Variants in EFCAB11 observed in about 807,000 individuals in gnomAD.
EFCAB11 encodes EF-hand calcium binding domain 11, also known as EF-hand calcium-binding domain-containing protein 11.
A neutral mutation model predicts 23.0 loss-of-function variants in EFCAB11; 14 were observed. The observed-to-expected ratio is 0.61, with a 90% CI of 0.40 to 0.95. The LOEUF (loss-of-function observed/expected upper bound fraction) is 0.95, where lower values mean the gene tolerates loss of function less well. EFCAB11 is among the 40% of genes least tolerant of loss of function. The pLI is 0.00. For synonymous variants in EFCAB11, 65 were observed against 66.6 expected, an observed-to-expected ratio of 0.98 and a Z score of 0.11; for missense variants, 198 against 195.8, an observed-to-expected ratio of 1.01 and a Z score of -0.07.
intron 5 of EFCAB11, among the ~76,000 whole-genome samples, chr14:89,865,704 G>A (rs766486535): frequency 2.6e-5 from 4 of 151,792 alleles, no homozygotes; most frequent in African/African-American, 9.7e-5. Context: ...TCACTCTGTC[G>A]CCCAGCCTGG....
At chr14:89,857,006 T>A (rs1887774286) in intron 5 of EFCAB11, among the ~76,000 whole-genome samples, 1 of 152,232 alleles carries the variant, frequency 6.6e-6, no homozygotes, top group South Asian at 2.1e-4. Context: ...GGATACTACT[T>A]GGGGCTCCCA....
chr14:89,954,317 G>A, intron 1 of EFCAB11: 1 of 1,530,470 alleles, frequency 6.5e-7, no homozygotes, highest in Non-Finnish European at 8.8e-7. Context: ...CAAAGGGGCT[G>A]GCTTTGAAAG....
Position 89,916,049 on chromosome 14 carries a change from G to T in EFCAB11, c.410+15492C>A, listed in dbSNP as rs532509679. On this transcript the variant is annotated intron_variant, in intron 5 of 5. Transcript: ENST00000316738. Reference sequence around the variant, plus strand: ...CAAGAGAGCAGAGCCAAGCCCTTAAGGCACAACTCCGATCTCTGCACAGTG... The same window carrying T: ...CAAGAGAGCAGAGCCAAGCCCTTAATGCACAACTCCGATCTCTGCACAGTG... Among the ~76,000 whole-genome samples the T allele has an allele frequency of 2.0e-3, 304 of 151,782 alleles. 1 individual carries two copies. The highest frequency in any genetic ancestry group is 7.0e-3 in the African/African-American group (288 of 41,372).
At position 89,913,439 on chromosome 14, in the gene EFCAB11, G is replaced by A. The variant is rs150648758; in HGVS notation, c.410+18102C>T. On this transcript the variant is annotated intron_variant, in intron 5 of 5. Transcript: ENST00000316738. Reference sequence around the variant, plus strand: ...ATGTAACCTTGGGTGAGTCACATACGTTTGTTTGACTTCCATTTTCTTAGC... The same window carrying A: ...ATGTAACCTTGGGTGAGTCACATACATTTGTTTGACTTCCATTTTCTTAGC... Among the ~76,000 whole-genome samples, 22 of 152,240 alleles carry A rather than the reference G, an allele frequency of 1.4e-4. No homozygotes were observed. In the East Asian group the frequency reaches 3.7e-3, roughly 25 times the overall value.
At chr14:89,839,381 G>A (rs1444566181) in intron 5 of EFCAB11, among the ~76,000 whole-genome samples, 1 of 152,114 alleles carries the variant, frequency 6.6e-6, no homozygotes, top group Non-Finnish European at 1.5e-5. Context: ...CCAGAGAGAG[G>A]GGCTTCTTTT....
chr14:89,798,376 TA>T (rs1230816545), intron 5 of EFCAB11, among the ~76,000 whole-genome samples: 1 of 152,244 alleles, frequency 6.6e-6, no homozygotes, highest in African/African-American at 2.4e-5. Context: ...CTTCTTTTGG[TA>T]AAATATACAT....
intron 5 of EFCAB11, among the ~76,000 whole-genome samples, chr14:89,894,694 G>C (rs553658412): frequency 1.3e-5 from 2 of 152,192 alleles, no homozygotes; most frequent in African/African-American, 2.4e-5. Context: ...ATGATATAAG[G>C]ATTGGAACGG....
chr14:89,923,603 T>A, intron 5 of EFCAB11: 1 of 864,040 alleles, frequency 1.2e-6, no homozygotes, highest in Non-Finnish European at 1.4e-6. Context: ...TATGTATGGC[T>A]ACAAAGAATG....
chr14:89,948,946 C>T (rs1306659599), intron 3 of EFCAB11, among the ~76,000 whole-genome samples: 2 of 149,212 alleles, frequency 1.3e-5, no homozygotes, highest in African/African-American at 4.9e-5. Context: ...TAGTCAATAA[C>T]AACTTAATTG....
chr14:89,805,967 T>G (rs1302543203), intron 5 of EFCAB11, among the ~76,000 whole-genome samples: 1 of 152,220 alleles, frequency 6.6e-6, no homozygotes, highest in Non-Finnish European at 1.5e-5. Context: ...AGATTCTGGA[T>G]TATTCTCCTC....
At chr14:89,830,812 T>C (rs1886858604) in intron 5 of EFCAB11, 1 of 152,214 alleles carries the variant, frequency 6.6e-6, no homozygotes, top group South Asian at 2.1e-4. Context: ...TGCTATACAC[T>C]CATAATTGCA....
intron 5 of EFCAB11, among the ~76,000 whole-genome samples, chr14:89,921,954 A>G (rs1890033152): frequency 6.6e-6 from 1 of 152,224 alleles, no homozygotes; most frequent in Non-Finnish European, 1.5e-5. Context: ...ATCTACTACA[A>G]AAGAAAAACA....
chr14:89,830,595 C>T (rs574813684), intron 5 of EFCAB11: 1 of 152,258 alleles, frequency 6.6e-6, no homozygotes, highest in South Asian at 2.1e-4. Context: ...TAATATAAAA[C>T]GAGCCTTTCC....
At chr14:89,932,451 T>C in intron 4 of EFCAB11, 75 bp downstream of exon 4, 1 of 1,073,394 alleles carries the variant, frequency 9.3e-7, no homozygotes. Context: ...ATATTTGATT[T>C]ACTGGGTATA....
At chr14:89,830,277 C>A (rs1002477247) in intron 5 of EFCAB11, 1 of 152,116 alleles carries the variant, frequency 6.6e-6, no homozygotes, top group Non-Finnish European at 1.5e-5. Flanking sequence ...TATGGGAATT[C>A]CATTTTCCCT....
chr14:89,858,572 C>A (rs1269137016), intron 5 of EFCAB11, among the ~76,000 whole-genome samples: 6 of 151,852 alleles, frequency 4.0e-5, no homozygotes, highest in African/African-American at 1.5e-4. Context: ...TCACTGCAGT[C>A]TCAACCTCCT....
At chr14:89,893,049 C>G (rs1462480236) in intron 5 of EFCAB11, among the ~76,000 whole-genome samples, 7 of 152,158 alleles carry the variant, frequency 4.6e-5, no homozygotes, top group African/African-American at 1.7e-4. Flanking sequence ...AGATAGTGGA[C>G]AGGATGTGCT....
At chr14:89,925,067 G>A (rs189167748) in intron 5 of EFCAB11, among the ~76,000 whole-genome samples, 245 of 152,294 alleles carry the variant, frequency 1.6e-3, no homozygotes, top group African/African-American at 5.5e-3. Flanking sequence ...CAACATTTAA[G>A]GAAAGAAGAC....
At chr14:89,946,158 T>C (rs1890976224) in intron 3 of EFCAB11, among the ~76,000 whole-genome samples, 2 of 152,030 alleles carry the variant, frequency 1.3e-5, no homozygotes, top group Non-Finnish European at 2.9e-5. Context: ...AAGTGATTCG[T>C]CTGCGTTGGC....
Sources: allele counts gnomAD v4.1 joint callset (sites outside exome capture counted in the v4.1 genomes callset), GRCh38; gene constraint gnomAD v4.1.1; transcripts MANE v1.5; gene names NCBI Gene and HGNC (gene_info 2026-07-23, HGNC 2026-07-21).